Variants in KIDINS220 observed in about 807,000 individuals in gnomAD.
The protein encoded by KIDINS220 is kinase D-interacting substrate of 220 kDa.
KIDINS220 carries 63 observed loss-of-function variants against 157.6 expected under a neutral mutation model. The observed-to-expected ratio is 0.40, with a 90% CI of 0.33 to 0.49. The LOEUF (loss-of-function observed/expected upper bound fraction) is 0.49. Among genes scored for constraint, KIDINS220 ranks in the 20% least tolerant of loss-of-function variants. The pLI, the probability that KIDINS220 is intolerant of heterozygous loss-of-function variation, is 0.66. For synonymous variants in KIDINS220, 732 were observed against 783.6 expected (o/e 0.93, Z 1.10); for missense variants, 1,772 against 2,171.2 (o/e 0.82, Z 3.65).
rs115574143 is a variant in KIDINS220, at chr2:8,802,913, T to A, written c.801+17A>T. On this transcript the variant is annotated intron_variant, in intron 8 of 29. Transcript: ENST00000256707. The stretch of plus-strand genomic sequence containing the variant: ...CCACTTCACCACTAGGAGACAAATG[T>A]GAAATAGATGACCTACCCTGTCAGG... 1.0e-3 allele frequency: 1,642 copies of A among 1,610,856 alleles called. 24 individuals are homozygous for A. In the African/African-American group the frequency reaches 0.02, roughly 19 times the overall value.
At position 8,798,241 on chromosome 2, in the gene KIDINS220, A is replaced by G; in HGVS notation, c.960T>C (p.Asp320=). The change falls in exon 10 of 30, where the codon GAT becomes GAC. Residue 320 remains aspartate, a synonymous_variant. Transcript: ENST00000256707. Reference sequence around the variant, plus strand: ...CAGTGTCAGGATTGCACTGTAAGATATCTCTCACCATTGTTGCATTTCCTT... The same window carrying G: ...CAGTGTCAGGATTGCACTGTAAGATGTCTCTCACCATTGTTGCATTTCCTT... ...VEKGNATMVR[D]ILQCNPDTEI... 6.2e-7 allele frequency: 1 copy of G among 1,612,554 alleles called. No homozygotes were observed. The highest frequency in any genetic ancestry group is 1.1e-5 in the South Asian group (1 of 91,048).
intron 1 of KIDINS220, among the ~76,000 whole-genome samples, chr2:8,836,513 C>T (rs1241217507): frequency 6.6e-6 from 1 of 152,236 alleles, no homozygotes; most frequent in Non-Finnish European, 1.5e-5. Context: ...GAATCCCATT[C>T]CCTAGATCTG....
intron 19 of KIDINS220, 22 bp from the exon 20 acceptor site, chr2:8,778,749 G>GC: frequency 6.2e-7 from 1 of 1,600,732 alleles, no homozygotes; most frequent in Non-Finnish European, 8.6e-7. Context: ...TATCAAGACA[G>GC]CATCACTTAC....
intron 24 of KIDINS220, among the ~76,000 whole-genome samples, chr2:8,749,687 C>T (rs1667044341): frequency 1.3e-5 from 2 of 152,026 alleles, no homozygotes; most frequent in African/African-American, 2.4e-5. Flanking sequence ...ATTTAAAAGA[C>T]AAAGGTATAT....
Position 8,730,436 on chromosome 2 carries a change from C to T in KIDINS220, c.*284G>A. ...CTGACCTATCTTTATACTCAGATCT[C>T]ACCTCGTCTCAAAAAGTTTTATGGG... On this transcript the variant is annotated 3_prime_UTR_variant, in exon 30 of 30. Transcript: ENST00000256707. The T allele has an allele frequency of 8.1e-7, 1 of 1,231,804 alleles. No homozygotes were observed. The allele number at this position is 1,231,804 out of a possible 1,614,324, so 76.3% of individuals were successfully genotyped here. A position where few individuals can be genotyped will look rare whatever the true frequency, so the allele number is the denominator to read the frequency against.
At chr2:8,733,703 T>C (rs771706960) in intron 28 of KIDINS220, 23 bp from the exon 29 acceptor site, 12 of 1,352,458 alleles carry the variant, frequency 8.9e-6, no homozygotes, top group Non-Finnish European at 1.2e-5. Context: ...AAAACATAAA[T>C]ATTTACACTA....
intron 17 of KIDINS220, among the ~76,000 whole-genome samples, chr2:8,781,774 G>A (rs1671756262): frequency 6.6e-6 from 1 of 152,186 alleles, no homozygotes; most frequent in Non-Finnish European, 1.5e-5. Context: ...AAGAACAGCT[G>A]AGAAGAAAAT....
rs1663924832 is a variant in KIDINS220, at chr2:8,730,712, T to A, written c.*8A>T. 1.2e-6 allele frequency: 2 copies of A among 1,609,914 alleles called. No individual in the cohort carries two copies. The highest frequency in any genetic ancestry group is 1.7e-6 in the Non-Finnish European group (2 of 1,178,784). ...TACAGTAACACTCTTCTCCTTTGCT[T>A]GTTTTTCTCAAAGAATGCTTTCTCT... On this transcript the variant is annotated 3_prime_UTR_variant, in exon 30 of 30. Transcript: ENST00000256707.
chr2:8,763,739 ACT>A (rs1174225584), intron 22 of KIDINS220, among the ~76,000 whole-genome samples: 2 of 152,180 alleles, frequency 1.3e-5, no homozygotes, highest in Non-Finnish European at 1.5e-5. Flanking sequence ...CTCTAAGAAG[ACT>A]CTGAAGTGAG....
intron 2 of KIDINS220, among the ~76,000 whole-genome samples, chr2:8,823,433 T>TAAAA (rs35736601): frequency 7.9e-6 from 1 of 127,214 alleles, no homozygotes; most frequent in African/African-American, 2.8e-5. Context: ...AGCAAAATGC[T>TAAAA]AAAAAAAAAA....
chr2:8,725,879 AAGAAAGGGTTCCTAGCACAT>A (rs1426302764), downstream of KIDINS220, among the ~76,000 whole-genome samples: 1 of 152,186 alleles, frequency 6.6e-6, no homozygotes, highest in Non-Finnish European at 1.5e-5. Flanking sequence ...CAGAAAAACG[AAGAAAGGGTTCCTAGCACAT>A]ACCACTAGTG....
At chr2:8,820,635 C>T (rs1369652068) in intron 2 of KIDINS220, among the ~76,000 whole-genome samples, 1 of 151,888 alleles carries the variant, frequency 6.6e-6, no homozygotes, top group Non-Finnish European at 1.5e-5. Context: ...GTCATCCAAC[C>T]AGGGTCATTA....
At position 8,823,682 on chromosome 2, in the gene KIDINS220, C is replaced by T. The variant is rs1678334421; in HGVS notation, c.108+3304G>A. Among the ~76,000 whole-genome samples the T allele has an allele frequency of 2.0e-5, 3 of 152,230 alleles. No individual in the cohort carries two copies. In the East Asian group the frequency reaches 5.8e-4, roughly 29 times the overall value. Reference sequence around the variant, plus strand: ...TGCTATTTTTTCCTTCCAAGTGAAGCTGTTTTCTTAGCATTCCCTAGACAA... The same window carrying T: ...TGCTATTTTTTCCTTCCAAGTGAAGTTGTTTTCTTAGCATTCCCTAGACAA... On this transcript the variant is annotated intron_variant, in intron 2 of 29. Coordinates refer to ENST00000256707, the MANE Select transcript of KIDINS220 (RefSeq NM_020738.4).
chr2:8,745,039 C>T (rs564452132), intron 26 of KIDINS220, among the ~76,000 whole-genome samples: 2 of 152,180 alleles, frequency 1.3e-5, no homozygotes, highest in African/African-American at 4.8e-5. Context: ...TCCAAAAACT[C>T]ATTTCAAAAT....
Position 8,731,437 on chromosome 2 carries a change from G to C in KIDINS220, c.4599C>G (p.Asn1533Lys). The change falls in exon 30 of 30, where the codon AAC (asparagine) becomes AAG (lysine). Residue 1533 changes from asparagine (N) to lysine (K), a missense_variant. By Grantham distance (94) the Asn-to-Lys change is moderately conservative (BLOSUM62 0). Transcript: ENST00000256707. The surrounding 1 kb of genome is among the most constrained non-coding windows in gnomAD (Gnocchi z 5.2). ...CTTTGTCATCTTTGAGCAGTGGAGT[G>C]TTATCTGATTCTTCTGTGCCAGATT... Reference protein sequence around the residue: ...EDESGTEESDNTPLLKDDKDR... With the variant: ...EDESGTEESDKTPLLKDDKDR... 2 of 1,614,194 alleles carry C rather than the reference G, an allele frequency of 1.2e-6. No homozygotes were observed. Among genetic ancestry groups the C allele is most frequent in the South Asian group, 2.2e-5 (2 of 91,082 alleles).
chr2:8,810,783 C>CAA (rs113178566), intron 6 of KIDINS220, among the ~76,000 whole-genome samples: 15 of 148,920 alleles, frequency 1.0e-4, no homozygotes, highest in African/African-American at 3.4e-4. Flanking sequence ...GAGACTCTGT[C>CAA]AAAAAAAAAC....
intron 6 of KIDINS220, among the ~76,000 whole-genome samples, chr2:8,809,272 C>T (rs913480728): frequency 7.9e-5 from 12 of 152,010 alleles, no homozygotes; most frequent in Non-Finnish European, 1.5e-4. Context: ...CCACCTGCCT[C>T]GGCCTCCCAA....
At chr2:8,816,311 GGA>G (rs1233981717) in intron 4 of KIDINS220, among the ~76,000 whole-genome samples, 1 of 152,156 alleles carries the variant, frequency 6.6e-6, no homozygotes, top group Non-Finnish European at 1.5e-5. Context: ...TTTGGAGCAG[GGA>G]GACCTGGTTC....
chr2:8,779,908 G>A, intron 17 of KIDINS220, 94 bp from the exon 18 acceptor site: 1 of 1,317,446 alleles, frequency 7.6e-7, no homozygotes, highest in Non-Finnish European at 1.1e-6. Context: ...TCATCTAATA[G>A]GAACAGAAGA....
Sources: gnomAD v4.1 joint callset for allele counts (sites outside exome capture counted in the v4.1 genomes callset) on GRCh38, gnomAD v4.1.1 for gene constraint, Gnocchi (gnomAD v3.1) non-coding constraint, MANE v1.5 for transcripts, NCBI Gene and HGNC (gene_info 2026-07-23, HGNC 2026-07-21) for gene names.